UBE2E1: variants seen among roughly 807,000 people sequenced by gnomAD.
UBE2E1 encodes ubiquitin-conjugating enzyme E2 E1.
Under a neutral mutation model 21.4 loss-of-function variants are expected in UBE2E1, and 6 were observed. That is an observed-to-expected ratio of 0.28 (90% CI 0.15 to 0.55). The LOEUF (loss-of-function observed/expected upper bound fraction) is 0.55, where lower values mean the gene tolerates loss of function less well. Ranked by LOEUF, UBE2E1 falls within the 20% of genes least tolerant of loss-of-function variation. The probability of loss-of-function intolerance (pLI) is 0.93; values close to 1 mark genes in which losing one functional copy is unlikely to be tolerated. For synonymous variants in UBE2E1, 87 were observed against 82.7 expected (o/e 1.05, Z -0.28); for missense variants, 142 against 236.5 (o/e 0.60, Z 2.62).
intron 3 of UBE2E1, among the ~76,000 whole-genome samples, chr3:23,819,658 G>A (rs1051002983): frequency 6.6e-6 from 1 of 152,188 alleles, no homozygotes; most frequent in Admixed American, 6.5e-5. Context: ...TTGGTCGGAT[G>A]GTTTAATAGA....
In UBE2E1 at chr3:23,842,688, C is replaced by T. The variant is rs953157435; in HGVS notation, c.203+31178C>T. Among the ~76,000 whole-genome samples, 1 of 152,132 alleles carries T rather than the reference C, an allele frequency of 6.6e-6. No homozygotes were observed. The highest frequency in any genetic ancestry group is 1.5e-5 in the Non-Finnish European group (1 of 68,030). Reference sequence around the variant, plus strand: ...CGTAAAATCTCATTATCACAAATTACAAGTGCGCTATTCGGTTTTTAAAAA... The same window carrying T: ...CGTAAAATCTCATTATCACAAATTATAAGTGCGCTATTCGGTTTTTAAAAA... On this transcript the variant is annotated intron_variant, in intron 3 of 5. Transcript: ENST00000306627. The surrounding 1 kb of genome is among the most constrained non-coding windows in gnomAD (Gnocchi z 4.6).
intron 3 of UBE2E1, among the ~76,000 whole-genome samples, chr3:23,829,492 G>A (rs368286898): frequency 1.2e-3 from 185 of 152,088 alleles, no homozygotes; most frequent in African/African-American, 3.9e-3. Context: ...TGGAGAGGTG[G>A]GGTCTTGCTG....
chr3:23,827,107 C>A (rs1699774517), intron 3 of UBE2E1, among the ~76,000 whole-genome samples: 1 of 151,526 alleles, frequency 6.6e-6, no homozygotes, highest in Non-Finnish European at 1.5e-5. Context: ...ATTCACAATT[C>A]TTAAAGGGAC....
intron 3 of UBE2E1, among the ~76,000 whole-genome samples, chr3:23,822,919 T>C (rs1040224598): frequency 1.9e-4 from 28 of 146,946 alleles, no homozygotes; most frequent in African/African-American, 7.0e-4. Context: ...CCTTCTTGGC[T>C]CACTGTTACC....
intron 3 of UBE2E1, among the ~76,000 whole-genome samples, chr3:23,849,438 T>C (rs1459364393): frequency 6.6e-6 from 1 of 152,226 alleles, no homozygotes; most frequent in Admixed American, 6.5e-5. Context: ...TTGCTGCACC[T>C]ATCAACCTGT....
intron 3 of UBE2E1, among the ~76,000 whole-genome samples, chr3:23,871,963 G>A (rs1433194234): frequency 2.0e-5 from 3 of 150,726 alleles, no homozygotes; most frequent in Non-Finnish European, 2.9e-5. Flanking sequence ...TCACTTCCCA[G>A]ACAGGGTGGC....
intron 3 of UBE2E1, among the ~76,000 whole-genome samples, chr3:23,825,091 T>C (rs1410373231): frequency 6.6e-6 from 1 of 152,240 alleles, no homozygotes; most frequent in East Asian, 1.9e-4. Context: ...ACACATCATT[T>C]GCACCATGAG....
At chr3:23,830,839 A>G (rs1358182607) in intron 3 of UBE2E1, among the ~76,000 whole-genome samples, 1 of 152,226 alleles carries the variant, frequency 6.6e-6, no homozygotes, top group East Asian at 1.9e-4. Flanking sequence ...GGTGATAGCT[A>G]ACTTCTGTTG....
chr3:23,813,199 G>C (rs74971534), intron 3 of UBE2E1, among the ~76,000 whole-genome samples: 4 of 152,070 alleles, frequency 2.6e-5, no homozygotes, highest in African/African-American at 9.7e-5. Context: ...TTGGTGTTAC[G>C]GAGTCAAAGC....
chr3:23,871,535 A>T lies in UBE2E1; in HGVS notation c.204-16032A>T, dbSNP rs986042419. ...GGGCTGACCCCCACCTCCCTCTCGG[A>T]CGGGGTGGCTGCCGGGCGGAGACGC... On this transcript the variant is annotated intron_variant, in intron 3 of 5. Coordinates refer to ENST00000306627, the MANE Select transcript of UBE2E1 (RefSeq NM_003341.5). Among the ~76,000 whole-genome samples, 7 of 145,600 alleles carry T rather than the reference A, an allele frequency of 4.8e-5. No homozygotes were observed. The East Asian group carries it at 1.5e-3, about 32-fold the overall frequency.
At chr3:23,855,718 T>C (rs563690246) in intron 3 of UBE2E1, among the ~76,000 whole-genome samples, 5 of 151,888 alleles carry the variant, frequency 3.3e-5, no homozygotes, top group African/African-American at 1.2e-4. Flanking sequence ...TAGTCCCAGC[T>C]ACTCAGGAGG....
intron 3 of UBE2E1, among the ~76,000 whole-genome samples, chr3:23,851,675 A>T (rs1340724152): frequency 6.6e-6 from 1 of 152,094 alleles, no homozygotes; most frequent in Non-Finnish European, 1.5e-5. Context: ...GGTGGTGCAC[A>T]TCTGTAGTGC....
rs1271944536 is a variant in UBE2E1, at chr3:23,816,026, TAGAG to T, written c.203+4519_203+4522del. Among the ~76,000 whole-genome samples, 2 of 152,194 alleles carry T rather than the reference TAGAG, an allele frequency of 1.3e-5. No individual in the cohort carries two copies. The highest frequency in any genetic ancestry group is 4.8e-5 in the African/African-American group (2 of 41,452). ...AGATCATCACTGGGGCCTTTCCTAT[TAGAG>T]AGGAAAGAAACCCTATCTGGAGATG... On this transcript the variant is annotated intron_variant, in intron 3 of 5. Coordinates refer to ENST00000306627, the MANE Select transcript of UBE2E1 (RefSeq NM_003341.5). The surrounding 1 kb of genome is among the most constrained non-coding windows in gnomAD (Gnocchi z 4.8).
chr3:23,834,146 C>A (rs946707129), intron 3 of UBE2E1, among the ~76,000 whole-genome samples: 1 of 152,170 alleles, frequency 6.6e-6, no homozygotes, highest in Admixed American at 6.5e-5. Context: ...TTGGACAAGG[C>A]CTTTTACAGC....
chr3:23,878,957 T>G, intron 3 of UBE2E1: 1 of 411,214 alleles, frequency 2.4e-6, no homozygotes, highest in South Asian at 2.0e-5. Context: ...CAGCCCCTGG[T>G]GCAGAAAAGG....
At chr3:23,827,950 CTAGGATGT>C (rs1378786275) in intron 3 of UBE2E1, among the ~76,000 whole-genome samples, 2 of 151,976 alleles carry the variant, frequency 1.3e-5, no homozygotes, top group Non-Finnish European at 2.9e-5. Context: ...AGTATGCCCC[CTAGGATGT>C]TCTCTCTCCC....
chr3:23,884,197 A>G (rs1356734976), intron 3 of UBE2E1, among the ~76,000 whole-genome samples: 1 of 150,136 alleles, frequency 6.7e-6, no homozygotes, highest in African/African-American at 2.5e-5. Context: ...TTTTTTCTGA[A>G]CTTTCAAAAA....
intron 3 of UBE2E1, among the ~76,000 whole-genome samples, chr3:23,814,447 A>G (rs912274673): frequency 6.6e-6 from 1 of 152,214 alleles, no homozygotes; most frequent in Non-Finnish European, 1.5e-5. Flanking sequence ...TTATGTTGCC[A>G]TAGAAATCAA....
Position 23,887,582 on chromosome 3 carries a change from C to G in UBE2E1, c.219C>G (p.Gly73=). 1 of 1,611,086 alleles carries G rather than the reference C, an allele frequency of 6.2e-7. No individual in the cohort carries two copies. Among genetic ancestry groups the G allele is most frequent in the South Asian group, 1.1e-5 (1 of 90,320 alleles). The change falls in exon 4 of 6, where the codon GGC becomes GGG. Residue 73 remains glycine (G), a synonymous_variant. Coordinates refer to ENST00000306627, the MANE Select transcript of UBE2E1 (RefSeq NM_003341.5). This position sits in a 1 kb window ranked among gnomAD's most constrained non-coding sequence, Gnocchi z 4.4. The part of the protein sequence containing the change: ...PPPNCSAGPK[G]DNIYEWRSTI... ...TTATTCACAGTGCTGGTCCCAAAGG[C>G]GATAACATCTATGAATGGAGATCAA...
Sources: allele counts gnomAD v4.1 joint callset (sites outside exome capture counted in the v4.1 genomes callset), GRCh38; gene constraint gnomAD v4.1.1; non-coding constraint Gnocchi (gnomAD v3.1); transcripts MANE v1.5; gene names NCBI Gene and HGNC (gene_info 2026-07-23, HGNC 2026-07-21).